The following CEP57L1 variants were observed in gnomAD, a reference collection of about 807,000 sequenced individuals.
The protein encoded by CEP57L1 is centrosomal protein CEP57L1.
Under a neutral mutation model 61.0 loss-of-function variants are expected in CEP57L1, and 37 were observed. The ratio of observed to expected loss-of-function variants is 0.61; its 90% CI spans 0.47 to 0.80. CEP57L1 has a LOEUF of 0.80. Ranked by LOEUF, CEP57L1 falls within the 30% of genes least tolerant of loss-of-function variation. The pLI is 0.00. For synonymous variants in CEP57L1, 137 were observed against 162.3 expected (o/e 0.84, Z 1.19); for missense variants, 422 against 524.7 (o/e 0.80, Z 1.91).
At chr6:109,154,047 A>C (rs1341790122) in intron 5 of CEP57L1, 98 bp downstream of exon 5, 6 of 706,302 alleles carry the variant, frequency 8.5e-6, no homozygotes, top group Non-Finnish European at 1.5e-5. Context: ...AGATTTATAA[A>C]ACTTCATTTA....
At position 109,120,912 on chromosome 6, in the gene CEP57L1, GCACACACACACA is replaced by G. The variant is rs71747421; in HGVS notation, c.-3-24272_-3-24261del. ...AGAAAATTCCTATACTTAGACACAC[GCACACACACACA>G]CACACACACACACACACACACACAC... is the stretch of plus-strand genomic sequence containing the variant. On this transcript the variant is annotated intron_variant, in intron 1 of 10. Coordinates refer to ENST00000517392, the MANE Select transcript of CEP57L1 (RefSeq NM_001271852.3). Among the ~76,000 whole-genome samples the G allele has an allele frequency of 6.8e-3, 906 of 133,556 alleles. 9 individuals carry two copies. The highest frequency in any genetic ancestry group is 0.025 in the East Asian group (119 of 4,688). The allele number at this position is 133,556 out of a possible 152,430, so 87.6% of individuals were successfully genotyped here. A position where few individuals can be genotyped will look rare whatever the true frequency, so the allele number is the denominator to read the frequency against.
intron 1 of CEP57L1, among the ~76,000 whole-genome samples, chr6:109,121,759 T>C (rs1333286953): frequency 6.6e-6 from 1 of 152,220 alleles, no homozygotes; most frequent in African/African-American, 2.4e-5. Context: ...TGTTTTAAAA[T>C]GGATGAGACT....
chr6:109,153,914 T>C lies in CEP57L1; in HGVS notation c.544T>C (p.Cys182Arg). 1.2e-6 allele frequency: 2 copies of C among 1,608,786 alleles called. No homozygotes were observed. Among genetic ancestry groups the C allele is most frequent in the South Asian group, 1.1e-5 (1 of 90,532 alleles). Residue 182 changes from cysteine to arginine, a missense_variant, in exon 5 of 11, where the codon TGT becomes CGT. Physicochemically the swap from Cys to Arg is radical, Grantham distance 180. Transcript: ENST00000517392. ...LEKLDVLEKECFRLTTTQKTA... is the reference protein window; with the variant it reads ...LEKLDVLEKERFRLTTTQKTA... ...AAAGCTTGATGTCTTAGAAAAAGAG[T>C]GTTTCAGACTTACAACAACTCAGAA...
At chr6:109,109,353 G>A (rs1011714124) in intron 1 of CEP57L1, among the ~76,000 whole-genome samples, 1 of 152,080 alleles carries the variant, frequency 6.6e-6, no homozygotes, top group African/African-American at 2.4e-5. Context: ...AGGTAAAGAA[G>A]GTTAATTTTG....
chr6:109,160,525 T>C (rs1264222911), intron 9 of CEP57L1, 47 bp from the exon 10 acceptor site: 1 of 1,410,060 alleles, frequency 7.1e-7, no homozygotes, highest in Admixed American at 2.5e-5. Context: ...CAAAGAAATA[T>C]ATGCAATAAA....
rs1168430100 is a variant in CEP57L1 at position 109,130,067 on chromosome 6, G to A, written c.-3-15152G>A. The stretch of plus-strand genomic sequence containing the variant: ...GTTAATCTCTCCTTTGTGTTCCCAT[G>A]GCTTTCTGCATATGCTTTTGTTATG... On this transcript the variant is annotated intron_variant, in intron 1 of 10. Coordinates refer to ENST00000517392, the MANE Select transcript of CEP57L1 (RefSeq NM_001271852.3). 2.6e-5 allele frequency among the ~76,000 whole-genome samples: 4 copies of A among 152,100 alleles called. No homozygotes were observed. The South Asian group carries it at 6.2e-4, about 24-fold the overall frequency.
At chr6:109,152,984 G>A (rs1317692601) in intron 4 of CEP57L1, among the ~76,000 whole-genome samples, 2 of 151,444 alleles carry the variant, frequency 1.3e-5, no homozygotes, top group East Asian at 2.0e-4. Context: ...GGTGGCAGGC[G>A]CCTGTAATCC....
intron 1 of CEP57L1, chr6:109,129,179 G>A (rs912393466): frequency 1.4e-5 from 3 of 220,716 alleles, no homozygotes; most frequent in East Asian, 1.2e-4. Context: ...CAGCCTGGGC[G>A]ACAGAGAGAG....
In CEP57L1 at chr6:109,113,949, C is replaced by T. The variant is rs1771982492; in HGVS notation, c.-4+18374C>T. ...TGCCATATTGTTAAAATCCATTCAT[C>T]TGTAAATGGACACTTAGGTTGTTTG... On this transcript the variant is annotated intron_variant, in intron 1 of 10. Coordinates refer to ENST00000517392, the MANE Select transcript of CEP57L1 (RefSeq NM_001271852.3). 2.0e-5 allele frequency among the ~76,000 whole-genome samples: 3 copies of T among 152,112 alleles called. No individual in the cohort carries two copies. The South Asian group carries it at 6.2e-4, about 31-fold the overall frequency.
Position 109,163,076 on chromosome 6 carries a change from T to C in CEP57L1, c.*106T>C. On this transcript the variant is annotated 3_prime_UTR_variant, in exon 11 of 11. Transcript: ENST00000517392. ...TTTGTGACATTTTGAATCATGTTTC[T>C]AGTTTCTATAAAACATGAAGTTGCA... 1 of 733,398 alleles carries C rather than the reference T, an allele frequency of 1.4e-6. No homozygotes were observed. Among genetic ancestry groups the C allele is most frequent in the South Asian group, 2.0e-5 (1 of 50,944 alleles). The allele number at this position is 733,398 out of a possible 1,614,324, so 45.4% of individuals were successfully genotyped here. A position where few individuals can be genotyped will look rare whatever the true frequency, so the allele number is the denominator to read the frequency against.
chr6:109,162,389 T>C (rs914556252), intron 10 of CEP57L1, among the ~76,000 whole-genome samples: 9 of 152,194 alleles, frequency 5.9e-5, no homozygotes, highest in Admixed American at 5.9e-4. Flanking sequence ...AACCTTTCCC[T>C]CAATCTCTGC....
At chr6:109,108,241 C>CTT (rs1056595278) in intron 1 of CEP57L1, among the ~76,000 whole-genome samples, 13 of 138,004 alleles carry the variant, frequency 9.4e-5, no homozygotes, top group African/African-American at 1.6e-4. Flanking sequence ...ACATTTTTCT[C>CTT]TTTTTTTTTT....
intron 1 of CEP57L1, among the ~76,000 whole-genome samples, chr6:109,113,946 C>A (rs749897797): frequency 2.6e-5 from 4 of 152,126 alleles, no homozygotes; most frequent in Non-Finnish European, 4.4e-5. Context: ...AAAATCCATT[C>A]ATCTGTAAAT....
chr6:109,120,318 C>G (rs1772801988), intron 1 of CEP57L1, among the ~76,000 whole-genome samples: 1 of 152,140 alleles, frequency 6.6e-6, no homozygotes, highest in South Asian at 2.1e-4. Flanking sequence ...GGTAACATTT[C>G]TAGAGGGACA....
chr6:109,146,965 C>T (rs376152436), intron 3 of CEP57L1, 28 bp downstream of exon 3: 22 of 1,574,828 alleles, frequency 1.4e-5, no homozygotes, highest in Admixed American at 1.2e-4. Flanking sequence ...TCTCAGAAAC[C>T]GGGGGTTACT....
chr6:109,148,339 A>G (rs1292960728), intron 3 of CEP57L1, among the ~76,000 whole-genome samples: 27 of 151,890 alleles, frequency 1.8e-4, no homozygotes, highest in Admixed American at 1.6e-3. Flanking sequence ...TCATTGTTCA[A>G]TTCCCACCTA....
At chr6:109,133,783 C>T (rs570609650) in intron 1 of CEP57L1, among the ~76,000 whole-genome samples, 1 of 152,288 alleles carries the variant, frequency 6.6e-6, no homozygotes, top group East Asian at 1.9e-4. Flanking sequence ...ACTATAAACA[C>T]CTCTACGCAA....
intron 1 of CEP57L1, chr6:109,129,548 A>C: frequency 2.2e-6 from 1 of 455,542 alleles, no homozygotes; most frequent in South Asian, 1.6e-5. Context: ...CATATAATTT[A>C]CTTCTACATT....
In CEP57L1 at chr6:109,162,951, A is replaced by C; in HGVS notation, c.1364A>C (p.Asp455Ala). The C allele has an allele frequency of 6.2e-7, 1 of 1,610,972 alleles. No individual in the cohort carries two copies. The highest frequency in any genetic ancestry group is 1.7e-5 in the Admixed American group (1 of 59,964). Residue 455 changes from aspartate to alanine, a missense_variant, in exon 11 of 11, where the codon GAT becomes GCT. Asp to Ala is a moderately radical substitution (Grantham distance 126, BLOSUM62 -2). Coordinates refer to ENST00000517392, the MANE Select transcript of CEP57L1 (RefSeq NM_001271852.3). ...CTTCAAATGAAATTGAGAAGAGATG[A>C]TATCATGTGGGAACAGTAACAAAAC... ...HNLQMKLRRD[D>A]IMWEQ
Sources: gnomAD v4.1 joint callset for allele counts (sites outside exome capture counted in the v4.1 genomes callset) on GRCh38, gnomAD v4.1.1 for gene constraint, MANE v1.5 for transcripts, NCBI Gene and HGNC (gene_info 2026-07-23, HGNC 2026-07-21) for gene names.